The following PTPRT variants were observed in gnomAD, a reference collection of about 807,000 sequenced individuals.
PTPRT encodes receptor-type tyrosine-protein phosphatase T.
Under a neutral mutation model 176.8 loss-of-function variants are expected in PTPRT, and 56 were observed. That is an observed-to-expected ratio of 0.32 (90% confidence interval 0.26 to 0.40). The LOEUF is 0.40. Ranked by LOEUF, PTPRT falls within the 10% of genes least tolerant of loss-of-function variation. The probability of loss-of-function intolerance (pLI) is 1.00; values close to 1 mark genes in which losing one functional copy is unlikely to be tolerated. For synonymous variants in PTPRT, 783 were observed against 739.0 expected (o/e 1.06, Z -0.96); for missense variants, 1,540 against 1,908.2 (o/e 0.81, Z 3.60).
Position 42,656,930 on chromosome 20 carries a change from G to A in PTPRT, c.1153+20936C>T, listed in dbSNP as rs2075135003. On this transcript the variant is annotated intron_variant, in intron 7 of 30. Transcript: ENST00000373187. ...CCAAGTCACCCATCACTCCAACACT[G>A]ACAAATCCAAGTGATATGGTTTGGC... 2.0e-5 allele frequency among the ~76,000 whole-genome samples: 3 copies of A among 151,984 alleles called. No homozygotes were observed. In the South Asian group the frequency reaches 6.2e-4, roughly 32 times the overall value.
intron 13 of PTPRT, among the ~76,000 whole-genome samples, chr20:42,280,859 T>C (rs187118071): frequency 7.1e-4 from 108 of 152,246 alleles, no homozygotes; most frequent in Non-Finnish European, 1.1e-3. Context: ...TCAGGTCTCA[T>C]GTTTCCAATT....
At chr20:42,634,303 G>A (rs1201533949) in intron 7 of PTPRT, among the ~76,000 whole-genome samples, 6 of 147,816 alleles carry the variant, frequency 4.1e-5, no homozygotes, top group Non-Finnish European at 8.9e-5. Flanking sequence ...TTGCTGGGTT[G>A]AGGTAAGTAT....
rs545306409 is a variant in PTPRT at position 43,139,290 on chromosome 20, C to T, written c.88+50356G>A. 3.3e-5 allele frequency among the ~76,000 whole-genome samples: 5 copies of T among 152,254 alleles called. No individual in the cohort carries two copies. In the East Asian group the frequency reaches 9.7e-4, roughly 29 times the overall value. On this transcript the variant is annotated intron_variant, in intron 1 of 30. Transcript: ENST00000373187. ...TTAAATCTTGATTTTTTTCTGTTTTCGCTTACATGGAACCATGGGGCTTTT... is the reference window on the plus strand; with the variant it reads ...TTAAATCTTGATTTTTTTCTGTTTTTGCTTACATGGAACCATGGGGCTTTT...
chr20:42,583,828 A>C (rs1195336846), intron 7 of PTPRT, among the ~76,000 whole-genome samples: 1 of 152,204 alleles, frequency 6.6e-6, no homozygotes, highest in African/African-American at 2.4e-5. Context: ...ACAATTTTAA[A>C]TCACATTGAA....
intron 8 of PTPRT, among the ~76,000 whole-genome samples, chr20:42,466,447 C>T (rs1462397455): frequency 6.6e-6 from 1 of 152,124 alleles, no homozygotes; most frequent in Non-Finnish European, 1.5e-5. Context: ...AACTTTTGAA[C>T]ATAGTATTCT....
chr20:42,314,964 C>T (rs766611622), intron 12 of PTPRT, among the ~76,000 whole-genome samples: 2 of 152,074 alleles, frequency 1.3e-5, no homozygotes, highest in African/African-American at 4.8e-5. Context: ...ATGGATAGAA[C>T]CATTGTTTTG....
intron 9 of PTPRT, among the ~76,000 whole-genome samples, chr20:42,360,303 C>T (rs1459002936): frequency 2.0e-5 from 3 of 152,174 alleles, no homozygotes; most frequent in Non-Finnish European, 4.4e-5. Context: ...CGGGCTGCTT[C>T]CCAGACTCAT....
intron 6 of PTPRT, among the ~76,000 whole-genome samples, chr20:42,745,626 A>T (rs143203272): frequency 3.9e-4 from 59 of 152,370 alleles, no homozygotes; most frequent in African/African-American, 1.4e-3. Flanking sequence ...GACAAAGGCA[A>T]TGATCTAGAG....
intron 1 of PTPRT, among the ~76,000 whole-genome samples, chr20:43,038,342 A>C (rs1986467660): frequency 2.0e-5 from 3 of 152,256 alleles, no homozygotes; most frequent in African/African-American, 4.8e-5. Context: ...AGTTAATTAC[A>C]ACAATGGTTT....
At chr20:42,308,249 G>A (rs1458357917) in intron 12 of PTPRT, among the ~76,000 whole-genome samples, 1 of 152,010 alleles carries the variant, frequency 6.6e-6, no homozygotes, top group Non-Finnish European at 1.5e-5. Context: ...TAATAAACTT[G>A]CGTGGACTTG....
At chr20:43,087,996 T>A (rs1480361947) in intron 1 of PTPRT, among the ~76,000 whole-genome samples, 3 of 152,174 alleles carry the variant, frequency 2.0e-5, no homozygotes, top group Non-Finnish European at 4.4e-5. Flanking sequence ...TGTACTTAAC[T>A]AAAATATTCT....
intron 6 of PTPRT, among the ~76,000 whole-genome samples, chr20:42,733,294 A>G (rs1428006260): frequency 6.6e-6 from 1 of 152,160 alleles, no homozygotes; most frequent in African/African-American, 2.4e-5. Flanking sequence ...CCTTTAGACG[A>G]GGGGGGTTCA....
intron 6 of PTPRT, among the ~76,000 whole-genome samples, chr20:42,740,192 C>T (rs944160244): frequency 6.6e-6 from 1 of 152,152 alleles, no homozygotes; most frequent in African/African-American, 2.4e-5. Flanking sequence ...AAATGGCCCC[C>T]AACTTATCCC....
At chr20:42,705,662 C>G (rs965416139) in intron 6 of PTPRT, among the ~76,000 whole-genome samples, 2 of 152,124 alleles carry the variant, frequency 1.3e-5, no homozygotes. Flanking sequence ...TTGTCACCTG[C>G]ACAATGCTCT....
intron 2 of PTPRT, among the ~76,000 whole-genome samples, chr20:42,872,954 T>C (rs569810372): frequency 1.3e-5 from 2 of 152,288 alleles, no homozygotes; most frequent in East Asian, 1.9e-4. Flanking sequence ...GCAGTAGAGA[T>C]AATGCCTACC....
At chr20:42,419,831 A>G (rs1229731284) in intron 9 of PTPRT, among the ~76,000 whole-genome samples, 1 of 152,186 alleles carries the variant, frequency 6.6e-6, no homozygotes, top group Non-Finnish European at 1.5e-5. Context: ...CCCTAGACCA[A>G]TATGACTGGT....
intron 27 of PTPRT, among the ~76,000 whole-genome samples, chr20:42,097,203 C>A (rs1207618707): frequency 6.6e-6 from 1 of 152,210 alleles, no homozygotes; most frequent in Non-Finnish European, 1.5e-5. Flanking sequence ...CAACCAAGAC[C>A]CAAGCTCCTT....
chr20:42,652,588 T>A (rs757111120), intron 7 of PTPRT, among the ~76,000 whole-genome samples: 1 of 152,154 alleles, frequency 6.6e-6, no homozygotes, highest in Non-Finnish European at 1.5e-5. Flanking sequence ...GAAACTCCAA[T>A]CTGTGCTGTC....
intron 7 of PTPRT, among the ~76,000 whole-genome samples, chr20:42,514,164 A>G (rs1386049923): frequency 6.6e-6 from 1 of 152,204 alleles, no homozygotes; most frequent in African/African-American, 2.4e-5. Context: ...AATGGCTAAA[A>G]TATACGATAT....
Sources: allele counts gnomAD v4.1 joint callset (sites outside exome capture counted in the v4.1 genomes callset), GRCh38; gene constraint gnomAD v4.1.1; transcripts MANE v1.5; gene names NCBI Gene and HGNC (gene_info 2026-07-23, HGNC 2026-07-21).